The following RIC3 variants were observed in gnomAD, a reference collection of about 807,000 sequenced individuals.
RIC3 encodes protein RIC-3.
In RIC3, 28 loss-of-function variants were observed where a neutral mutation model predicts 27.3. The observed-to-expected ratio is 1.02, with a 90% CI of 0.76 to 1.41. The LOEUF is 1.41. RIC3 is among the 40% of genes most tolerant of loss of function. The pLI, the probability that RIC3 is intolerant of heterozygous loss-of-function variation, is 0.00. For missense variants in RIC3, 501 were observed against 444.7 expected (o/e 1.13, Z -1.14); for synonymous variants, 184 against 160.4 (o/e 1.15, Z -1.11).
chr11:8,096,576 T>TGG, the RIC3 span: 1 of 760,772 alleles, frequency 1.3e-6, no homozygotes, highest in African/African-American at 1.7e-5. Flanking sequence ...CATAAGTTTG[T>TGG]GGGGGTACAG....
intron 5 of RIC3, among the ~76,000 whole-genome samples, chr11:8,120,525 C>T (rs11041751): frequency 0.041 from 6,246 of 151,976 alleles, 152 homozygotes; most frequent in Middle Eastern, 0.078. Flanking sequence ...CGGGACCTGT[C>T]GGAGGATGGA....
At chr11:8,153,905 A>T (rs1775204934) in intron 1 of RIC3, among the ~76,000 whole-genome samples, 1 of 152,176 alleles carries the variant, frequency 6.6e-6, no homozygotes, top group African/African-American at 2.4e-5. Flanking sequence ...GCTACCTGTG[A>T]CACTTAAGAC....
chr11:8,166,238 C>G (rs961491109), intron 1 of RIC3, among the ~76,000 whole-genome samples: 3 of 152,156 alleles, frequency 2.0e-5, no homozygotes, highest in Non-Finnish European at 4.4e-5. Context: ...TGTCTACTTT[C>G]CTTTACTAAA....
chr11:8,094,278 G>A, the RIC3 span: 1 of 1,445,406 alleles, frequency 6.9e-7, no homozygotes. Context: ...TTGGAGGGGA[G>A]GGATAGGATG....
chr11:8,163,979 T>C (rs566178690), intron 1 of RIC3, among the ~76,000 whole-genome samples: 2 of 152,322 alleles, frequency 1.3e-5, no homozygotes, highest in East Asian at 1.9e-4. Flanking sequence ...TAAGACAGCA[T>C]GGTACTGGCT....
chr11:8,094,477 G>C, the RIC3 span, among the ~76,000 whole-genome samples: 3 of 152,302 alleles, frequency 2.0e-5, no homozygotes, highest in South Asian at 2.1e-4. Context: ...CTTGGCCTGA[G>C]CACCCTTTAT....
At chr11:8,129,002 C>T (rs1469575309) in intron 4 of RIC3, among the ~76,000 whole-genome samples, 1 of 152,022 alleles carries the variant, frequency 6.6e-6, no homozygotes, top group Non-Finnish European at 1.5e-5. Flanking sequence ...GATCCGCCCG[C>T]CTCGGCCTCC....
Position 8,110,534 on chromosome 11 carries a change from G to T in RIC3, c.*164C>A. ...ATGTCCGTGTTTTACAAGGTGACAG[G>T]TGTGTGAGCACCAGGAAGGATACAT... On this transcript the variant is annotated 3_prime_UTR_variant, in exon 6 of 6. Transcript: ENST00000309737. 1 of 716,422 alleles carries T rather than the reference G, an allele frequency of 1.4e-6. No homozygotes were observed. The highest frequency in any genetic ancestry group is 2.5e-6 in the Non-Finnish European group (1 of 398,938). The allele number at this position is 716,422 out of a possible 1,614,324, so 44.4% of individuals were successfully genotyped here. A position where few individuals can be genotyped will look rare whatever the true frequency, so the allele number is the denominator to read the frequency against.
rs549236828 is a variant in RIC3 at position 8,154,393 on chromosome 11, T to G, written c.125-14200A>C. The stretch of plus-strand genomic sequence containing the variant: ...AAAACTTCATATTGTGTATAGGCAG[T>G]GGTGACGGTTGCACAACAGTGTGAA... On this transcript the variant is annotated intron_variant, in intron 1 of 5. Coordinates refer to ENST00000309737, the MANE Select transcript of RIC3 (RefSeq NM_001206671.4). 4.7e-4 allele frequency among the ~76,000 whole-genome samples: 71 copies of G among 152,348 alleles called. 1 individual carries two copies. The highest frequency in any genetic ancestry group is 1.7e-3 in the African/African-American group (69 of 41,578).
At chr11:8,101,848 CTTTCCA>C, downstream of RIC3, 6 of 452,128 alleles carry the variant, frequency 1.3e-5, no homozygotes, top group South Asian at 2.2e-4. Flanking sequence ...GAGAATAATT[CTTTCCA>C]TGCCACGAGA....
downstream of RIC3, chr11:8,104,429 T>G (rs1184753101): frequency 6.6e-6 from 1 of 152,284 alleles, no homozygotes; most frequent in African/African-American, 2.4e-5. Context: ...CGTCTGTGTA[T>G]GTGTGTGTCT....
the RIC3 span, chr11:8,095,726 C>T: frequency 2.0e-6 from 3 of 1,512,768 alleles, no homozygotes; most frequent in Non-Finnish European, 2.7e-6. Context: ...TCAGATGCAC[C>T]TTTCTCTGGG....
chr11:8,095,665 G>C, the RIC3 span: 1 of 1,595,478 alleles, frequency 6.3e-7, no homozygotes, highest in Non-Finnish European at 8.5e-7. Context: ...GCAGAGGAAG[G>C]GTGAGCCCCA....
chr11:8,158,889 T>C (rs1266545354), intron 1 of RIC3, among the ~76,000 whole-genome samples: 3 of 148,314 alleles, frequency 2.0e-5, no homozygotes, highest in Non-Finnish European at 3.0e-5. Context: ...TCTGCCACCA[T>C]GCCCAGAGAA....
chr11:8,137,472 C>G lies in RIC3; in HGVS notation c.428-1G>C. The G allele has an allele frequency of 6.2e-7, 1 of 1,613,208 alleles. No homozygotes were observed. ...TGCAGTTGAGCAAGCTCAAAACTGG[C>G]TAAAAAATAAGCAACAATCTAAGAA... On this transcript the variant is annotated splice_acceptor_variant, in intron 3 of 5. Transcript: ENST00000309737. LOFTEE classifies it high-confidence loss of function.
At chr11:8,134,328 T>C (rs914638920) in intron 4 of RIC3, among the ~76,000 whole-genome samples, 3 of 152,206 alleles carry the variant, frequency 2.0e-5, no homozygotes, top group Admixed American at 1.3e-4. Context: ...CATGAACTCA[T>C]CATTTTTTAT....
downstream of RIC3, chr11:8,103,447 G>GT (rs2133934999): frequency 6.6e-6 from 1 of 152,532 alleles, no homozygotes; most frequent in South Asian, 2.1e-4. Flanking sequence ...TGAAGGACTT[G>GT]TTTTGACTTA....
intron 4 of RIC3, chr11:8,135,602 T>C (rs916349649): frequency 9.2e-5 from 14 of 152,224 alleles, no homozygotes; most frequent in Non-Finnish European, 5.9e-5. Flanking sequence ...ATATTGATTC[T>C]TCCTATCCAT....
At chr11:8,114,914 T>C (rs1945682145) in intron 5 of RIC3, among the ~76,000 whole-genome samples, 1 of 152,090 alleles carries the variant, frequency 6.6e-6, no homozygotes, top group Non-Finnish European at 1.5e-5. Context: ...AGACAGATTA[T>C]TTGACAATAT....
Sources: allele counts gnomAD v4.1 joint callset (sites outside exome capture counted in the v4.1 genomes callset), GRCh38; gene constraint gnomAD v4.1.1; transcripts MANE v1.5; gene names NCBI Gene and HGNC (gene_info 2026-07-23, HGNC 2026-07-21).